Variants in INSYN2B observed in about 807,000 individuals in gnomAD.
INSYN2B encodes inhibitory synaptic factor family member 2B.
INSYN2B carries 16 observed loss-of-function variants against 41.2 expected under a neutral mutation model. That is an observed-to-expected ratio of 0.39 (90% CI 0.26 to 0.59). The LOEUF (loss-of-function observed/expected upper bound fraction) is 0.59, where lower values mean the gene tolerates loss of function less well. Among genes scored for constraint, INSYN2B ranks in the 20% least tolerant of loss-of-function variants. The pLI is 0.57. For missense variants in INSYN2B, 608 were observed against 646.4 expected (o/e 0.94, Z 0.64); for synonymous variants, 245 against 244.4 (o/e 1.00, Z -0.02).
At chr5:169,895,168 C>T (rs747678582) in intron 1 of INSYN2B, among the ~76,000 whole-genome samples, 22 of 152,182 alleles carry the variant, frequency 1.4e-4, no homozygotes, top group African/African-American at 1.9e-4. Context: ...GATGGGCTCA[C>T]GGTGTTTGCC....
intron 1 of INSYN2B, among the ~76,000 whole-genome samples, chr5:169,920,724 C>T (rs1447775287): frequency 6.6e-6 from 1 of 152,108 alleles, no homozygotes; most frequent in Non-Finnish European, 1.5e-5. Context: ...CGTCTCCCGT[C>T]TCTGCAGATT....
intron 1 of INSYN2B, among the ~76,000 whole-genome samples, chr5:169,914,361 T>C (rs1774764680): frequency 6.6e-6 from 1 of 152,156 alleles, no homozygotes; most frequent in African/African-American, 2.4e-5. Flanking sequence ...GATTCCTTCA[T>C]TCAGAAAAGA....
intron 1 of INSYN2B, among the ~76,000 whole-genome samples, chr5:169,940,240 G>C (rs1171030397): frequency 2.0e-5 from 3 of 152,178 alleles, no homozygotes; most frequent in African/African-American, 7.2e-5. Context: ...GGTCTTTATG[G>C]AGTGCCAGCT....
At chr5:169,911,559 AG>A (rs1183336751) in intron 1 of INSYN2B, among the ~76,000 whole-genome samples, 1 of 152,208 alleles carries the variant, frequency 6.6e-6, no homozygotes, top group Non-Finnish European at 1.5e-5. Flanking sequence ...AAACTTTAGG[AG>A]TAATTATACT....
At chr5:169,899,598 G>A (rs73325939) in intron 1 of INSYN2B, among the ~76,000 whole-genome samples, 1,964 of 152,276 alleles carry the variant, frequency 0.013, 41 homozygotes, top group African/African-American at 0.045. Context: ...GTTTGGAGCA[G>A]GACTAGGAAG....
intron 1 of INSYN2B, among the ~76,000 whole-genome samples, chr5:169,905,701 T>C (rs560748161): frequency 6.6e-6 from 1 of 152,282 alleles, no homozygotes. Flanking sequence ...ACAGCACCTC[T>C]GGGAGGGGCC....
At chr5:169,890,067 G>T (rs143424108) in intron 1 of INSYN2B, among the ~76,000 whole-genome samples, 1 of 152,324 alleles carries the variant, frequency 6.6e-6, no homozygotes, top group African/African-American at 2.4e-5. Context: ...TAAAGAAGAC[G>T]AATTCAATCC....
At chr5:169,936,271 C>A (rs761454029) in intron 1 of INSYN2B, among the ~76,000 whole-genome samples, 1 of 152,186 alleles carries the variant, frequency 6.6e-6, no homozygotes, top group African/African-American at 2.4e-5. Context: ...AAGATAATGT[C>A]CGTGCTTCAA....
At chr5:169,925,188 G>C (rs920273240) in intron 1 of INSYN2B, among the ~76,000 whole-genome samples, 1 of 152,180 alleles carries the variant, frequency 6.6e-6, no homozygotes, top group African/African-American at 2.4e-5. Flanking sequence ...GTAGTAGGGA[G>C]CTGAGGACTA....
chr5:169,925,374 G>A (rs564548798), intron 1 of INSYN2B, among the ~76,000 whole-genome samples: 11 of 152,248 alleles, frequency 7.2e-5, no homozygotes, highest in South Asian at 6.2e-4. Flanking sequence ...AAGGTCAGGC[G>A]TTAAAGACCA....
rs1466037789 is a variant in INSYN2B at position 169,864,149 on chromosome 5, C to A, written c.*124G>T. Reference sequence around the variant, plus strand: ...CATCAGCTCCAAGGCTCTTCTGTTTCACAGGCCAAGGGGCTCACAGCCCAG... The same window carrying A: ...CATCAGCTCCAAGGCTCTTCTGTTTAACAGGCCAAGGGGCTCACAGCCCAG... On this transcript the variant is annotated 3_prime_UTR_variant, in exon 4 of 4. Transcript: ENST00000377365. The A allele has an allele frequency of 3.5e-6, 3 of 856,478 alleles. No individual in the cohort carries two copies. The Admixed American group carries it at 7.6e-5, about 22-fold the overall frequency. 53.1% of individuals were successfully genotyped at this position (856,478 alleles called of 1,614,324 possible). A position where few individuals can be genotyped will look rare whatever the true frequency, so the allele number is the denominator to read the frequency against.
At chr5:169,939,779 G>C (rs970563153) in intron 1 of INSYN2B, among the ~76,000 whole-genome samples, 9 of 152,124 alleles carry the variant, frequency 5.9e-5, no homozygotes, top group Middle Eastern at 3.4e-3. Flanking sequence ...TCTATATTAA[G>C]GTCCCTAAAA....
In INSYN2B at chr5:169,862,645, A is replaced by G. The variant is rs1240126879; in HGVS notation, c.*1628T>C. 6.6e-6 allele frequency among the ~76,000 whole-genome samples: 1 copy of G among 152,244 alleles called. No homozygotes were observed. Among genetic ancestry groups the G allele is most frequent in the East Asian group, 1.9e-4 (1 of 5,202 alleles). Reference sequence around the variant, plus strand: ...CTGATTCTGTGGGCTTAAACATTACACTAGAAACAGAACAAGAACATCTTG... The same window carrying G: ...CTGATTCTGTGGGCTTAAACATTACGCTAGAAACAGAACAAGAACATCTTG... On this transcript the variant is annotated 3_prime_UTR_variant, in exon 4 of 4. Transcript: ENST00000377365.
chr5:169,916,430 A>G (rs1235111424), intron 1 of INSYN2B, among the ~76,000 whole-genome samples: 2 of 152,192 alleles, frequency 1.3e-5, no homozygotes, highest in Non-Finnish European at 2.9e-5. Context: ...AAACCTTGCC[A>G]TGGGGACAAA....
At chr5:169,907,270 G>A (rs928392895) in intron 1 of INSYN2B, among the ~76,000 whole-genome samples, 2 of 152,208 alleles carry the variant, frequency 1.3e-5, no homozygotes, top group African/African-American at 2.4e-5. Flanking sequence ...ACAGCGATGT[G>A]CCCAAGTCAG....
intron 1 of INSYN2B, among the ~76,000 whole-genome samples, chr5:169,932,878 C>A (rs1253237160): frequency 2.0e-5 from 3 of 151,796 alleles, no homozygotes; most frequent in Non-Finnish European, 2.9e-5. Context: ...AAAAAAATAA[C>A]TACAAGAATA....
chr5:169,905,558 C>T (rs1417889975), intron 1 of INSYN2B, among the ~76,000 whole-genome samples: 1 of 152,184 alleles, frequency 6.6e-6, no homozygotes, highest in Non-Finnish European at 1.5e-5. Context: ...CCCCACCTCT[C>T]TGAGGGTAAT....
At position 169,971,188 on chromosome 5, in the gene INSYN2B, C is replaced by CAAAAAA. The variant is rs34023676; in HGVS notation, c.-919+9083_-919+9088dup. Among the ~76,000 whole-genome samples, 536 of 143,846 alleles carry CAAAAAA rather than the reference C, an allele frequency of 3.7e-3. 3 individuals carry two copies. Among genetic ancestry groups the CAAAAAA allele is most frequent in the African/African-American group, 0.013 (493 of 39,102 alleles). The allele number at this position is 143,846 out of a possible 152,430, so 94.4% of individuals were successfully genotyped here. ...AGAGGTGAACAGAGGGAAAGAAAGG[C>CAAAAAA]AAAAAAAAAAATGAGTATGACATCA... On this transcript the variant is annotated intron_variant, in intron 1 of 3. Coordinates refer to ENST00000377365, the MANE Select transcript of INSYN2B (RefSeq NM_001129891.3).
chr5:169,883,628 C>A lies in INSYN2B; in HGVS notation c.271G>T (p.Gly91Cys). 1 of 1,551,446 alleles carries A rather than the reference C, an allele frequency of 6.4e-7. No homozygotes were observed. Among genetic ancestry groups the A allele is most frequent in the Non-Finnish European group, 8.7e-7 (1 of 1,146,862 alleles). ...LSFPRSQKAG[G>C]FRNIAIQTSP... ...GTTTGGATTGCAATGTTGCGAAAGC[C>A]CCCTGCCTTCTGGGACCTGGGGAAG... The change falls in exon 2 of 4, where the codon GGC becomes TGC. Residue 91 changes from glycine to cysteine, a missense_variant. Transcript: ENST00000377365.
Sources: allele counts gnomAD v4.1 joint callset (sites outside exome capture counted in the v4.1 genomes callset), GRCh38; gene constraint gnomAD v4.1.1; transcripts MANE v1.5; gene names NCBI Gene and HGNC (gene_info 2026-07-23, HGNC 2026-07-21).